NT5C2: variants seen among roughly 807,000 people sequenced by gnomAD.
The protein encoded by NT5C2 is 5'-nucleotidase, cytosolic II.
In NT5C2, 58 loss-of-function variants were observed where a neutral mutation model predicts 76.1. That is an observed-to-expected ratio of 0.76 (90% CI 0.62 to 0.95). The LOEUF (loss-of-function observed/expected upper bound fraction) is 0.95, where lower values mean the gene tolerates loss of function less well. Ranked by LOEUF, NT5C2 falls within the 40% of genes least tolerant of loss-of-function variation. The pLI, the probability that NT5C2 is intolerant of heterozygous loss-of-function variation, is 0.00. For missense variants in NT5C2, 478 were observed against 690.3 expected, an observed-to-expected ratio of 0.69 and a Z score of 3.45; for synonymous variants, 229 against 237.4, an observed-to-expected ratio of 0.96 and a Z score of 0.32.
chr10:103,110,239 T>G (rs180812455), intron 4 of NT5C2, among the ~76,000 whole-genome samples: 93 of 152,122 alleles, frequency 6.1e-4, no homozygotes, highest in African/African-American at 1.9e-3. Context: ...GTGGATCACT[T>G]GAGGTCAGGA....
chr10:103,123,414 G>A (rs913226683), intron 4 of NT5C2, among the ~76,000 whole-genome samples: 1 of 152,058 alleles, frequency 6.6e-6, no homozygotes, highest in African/African-American at 2.4e-5. Flanking sequence ...GTAGAGATGA[G>A]GTCTCACTAT....
chr10:103,110,084 T>C (rs535423844), intron 4 of NT5C2, among the ~76,000 whole-genome samples: 1 of 152,296 alleles, frequency 6.6e-6, no homozygotes, highest in South Asian at 2.1e-4. Context: ...CGTGAAGTTA[T>C]ATAGCAAGTA....
Position 103,088,258 on chromosome 10 carries a change from C to CTA in NT5C2, c.*1412_*1413dup, listed in dbSNP as rs762876378. 3 of 152,212 alleles carry CTA rather than the reference C, an allele frequency of 2.0e-5. No individual in the cohort carries two copies. Among genetic ancestry groups the CTA allele is most frequent in the Non-Finnish European group, 2.9e-5 (2 of 68,042 alleles). 9.4% of individuals were successfully genotyped at this position (152,212 alleles called of 1,614,324 possible). A position where few individuals can be genotyped will look rare whatever the true frequency, so the allele number is the denominator to read the frequency against. On this transcript the variant is annotated 3_prime_UTR_variant, in exon 19 of 19. Coordinates refer to ENST00000404739, the MANE Select transcript of NT5C2 (RefSeq NM_001351169.2). ...AATATACAATGGTTAAAGAAAGAGTCTATAACCACTGTTTGTTTAAAATGT... is the reference window on the plus strand; with the variant it reads ...AATATACAATGGTTAAAGAAAGAGTCTATATAACCACTGTTTGTTTAAAATGT...
intron 3 of NT5C2, among the ~76,000 whole-genome samples, chr10:103,170,547 T>G (rs916127724): frequency 8.7e-6 from 1 of 114,962 alleles, no homozygotes; most frequent in Non-Finnish European, 1.9e-5. Flanking sequence ...TTTTTTTTTT[T>G]GAGACATGCT....
intron 3 of NT5C2, among the ~76,000 whole-genome samples, chr10:103,152,811 C>G (rs1591523912): frequency 6.6e-6 from 1 of 152,250 alleles, no homozygotes; most frequent in African/African-American, 2.4e-5. Flanking sequence ...TATTGCAAAG[C>G]AAATTAGAAT....
chr10:103,144,398 T>A (rs2081124325), intron 3 of NT5C2, among the ~76,000 whole-genome samples: 1 of 152,210 alleles, frequency 6.6e-6, no homozygotes. Context: ...CAGCTAACAT[T>A]ACAGGAAAAA....
In NT5C2 at chr10:103,103,973, T is replaced by C. The variant is rs534069096; in HGVS notation, c.389+1733A>G. On this transcript the variant is annotated intron_variant, in intron 6 of 18. Coordinates refer to ENST00000404739, the MANE Select transcript of NT5C2 (RefSeq NM_001351169.2). ...GGCTCAAGCACTCCTCCTGCCTCAG[T>C]CTCCCATATAGCTGGGACCAAAGGC... Among the ~76,000 whole-genome samples, 13 of 152,252 alleles carry C rather than the reference T, an allele frequency of 8.5e-5. No individual in the cohort carries two copies. In the South Asian group the frequency reaches 2.7e-3, roughly 32 times the overall value.
intron 4 of NT5C2, among the ~76,000 whole-genome samples, chr10:103,135,517 G>A (rs556304023): frequency 2.0e-5 from 3 of 152,234 alleles, no homozygotes; most frequent in Non-Finnish European, 1.5e-5. Flanking sequence ...GCTCACGCTT[G>A]TAATCCCAGC....
At chr10:103,133,450 G>A (rs558635240) in intron 4 of NT5C2, among the ~76,000 whole-genome samples, 1 of 152,160 alleles carries the variant, frequency 6.6e-6, no homozygotes, top group South Asian at 2.1e-4. Flanking sequence ...TAGTAGAGAT[G>A]GGGTCTCACC....
intron 3 of NT5C2, among the ~76,000 whole-genome samples, chr10:103,140,814 A>C (rs1565155520): frequency 6.6e-6 from 1 of 152,208 alleles, no homozygotes; most frequent in South Asian, 2.1e-4. Flanking sequence ...AATACCTGTT[A>C]GCCATTTGCA....
At chr10:103,123,231 T>A (rs1434475374) in intron 4 of NT5C2, among the ~76,000 whole-genome samples, 1 of 152,020 alleles carries the variant, frequency 6.6e-6, no homozygotes, top group African/African-American at 2.4e-5. Flanking sequence ...AACACCATCC[T>A]CCTCCCTCTG....
At chr10:103,097,975 C>T (rs1030616225) in intron 10 of NT5C2, 10 of 511,950 alleles carry the variant, frequency 2.0e-5, no homozygotes, top group Non-Finnish European at 3.9e-5. Flanking sequence ...CCTCCCCATT[C>T]AGTGTTCTTT....
chr10:103,091,140 T>C, intron 16 of NT5C2, 144 bp from the exon 17 acceptor site: 3 of 688,308 alleles, frequency 4.4e-6, no homozygotes, highest in South Asian at 3.4e-5. Flanking sequence ...CTTCAAGCGA[T>C]TCTCCTGCCT....
intron 4 of NT5C2, among the ~76,000 whole-genome samples, chr10:103,130,565 T>TA (rs1224739449): frequency 6.1e-4 from 59 of 96,038 alleles, no homozygotes; most frequent in South Asian, 2.2e-3. Context: ...AAAATAAATT[T>TA]AAAAAAAAAA....
Position 103,088,806 on chromosome 10 carries a change from A to G in NT5C2, c.*866T>C, listed in dbSNP as rs920616270. 6 of 188,504 alleles carry G rather than the reference A, an allele frequency of 3.2e-5. No individual in the cohort carries two copies. The highest frequency in any genetic ancestry group is 1.2e-4 in the African/African-American group (5 of 42,944). The allele number at this position is 188,504 out of a possible 1,614,324, so 11.7% of individuals were successfully genotyped here. On this transcript the variant is annotated 3_prime_UTR_variant, in exon 19 of 19. Transcript: ENST00000404739. The stretch of plus-strand genomic sequence containing the variant: ...TGTTCAATTTTAATATACAGCAATC[A>G]ACTCTTAGAGGACAAAGAAATCTGG...
intron 14 of NT5C2, 82 bp from the exon 15 acceptor site, chr10:103,093,391 T>C: frequency 8.4e-7 from 1 of 1,186,690 alleles, no homozygotes. Flanking sequence ...TTAAATACTA[T>C]GATTCATTTT....
chr10:103,189,571 A>C (rs1436662651), intron 1 of NT5C2, among the ~76,000 whole-genome samples: 1 of 150,936 alleles, frequency 6.6e-6, no homozygotes, highest in African/African-American at 2.4e-5. Context: ...GCACCACTGC[A>C]CTACAGCCTG....
intron 2 of NT5C2, among the ~76,000 whole-genome samples, chr10:103,180,883 T>C (rs1250708263): frequency 1.3e-5 from 2 of 152,180 alleles, no homozygotes; most frequent in African/African-American, 2.4e-5. Context: ...AGTATTTACA[T>C]GCAAAACATT....
chr10:103,165,560 A>G (rs2086166078), intron 3 of NT5C2, among the ~76,000 whole-genome samples: 1 of 144,518 alleles, frequency 6.9e-6, no homozygotes, highest in Non-Finnish European at 1.5e-5. Flanking sequence ...ACAGGCGTGC[A>G]CTACCACCTG....
Sources: allele counts gnomAD v4.1 joint callset (sites outside exome capture counted in the v4.1 genomes callset), GRCh38; gene constraint gnomAD v4.1.1; transcripts MANE v1.5; gene names NCBI Gene and HGNC (gene_info 2026-07-23, HGNC 2026-07-21).